Variants in ITGB3BP observed in about 807,000 individuals in gnomAD.
The protein encoded by ITGB3BP is centromere protein R.
A neutral mutation model predicts 29.1 loss-of-function variants in ITGB3BP; 27 were observed. The observed-to-expected ratio is 0.93, with a 90% CI of 0.68 to 1.28. ITGB3BP has a LOEUF of 1.28. ITGB3BP is among the 50% of genes most tolerant of loss of function. The pLI is 0.00. For missense variants in ITGB3BP, 192 were observed against 200.2 expected, an observed-to-expected ratio of 0.96 and a Z score of 0.25; for synonymous variants, 61 against 61.4, an observed-to-expected ratio of 0.99 and a Z score of 0.03.
intron 1 of ITGB3BP, among the ~76,000 whole-genome samples, chr1:63,515,099 C>T (rs1340749136): frequency 1.3e-5 from 2 of 152,108 alleles, no homozygotes; most frequent in Non-Finnish European, 2.9e-5. Flanking sequence ...TCACCTACTT[C>T]AGACTGTAAA....
intron 8 of ITGB3BP, among the ~76,000 whole-genome samples, chr1:63,445,304 CAG>C (rs957139576): frequency 4.3e-5 from 6 of 139,790 alleles, no homozygotes; most frequent in African/African-American, 1.7e-4. Flanking sequence ...AACAAAACAA[CAG>C]AAAGTACTCA....
intron 1 of ITGB3BP, among the ~76,000 whole-genome samples, chr1:63,516,850 G>A (rs1199011982): frequency 6.6e-6 from 1 of 152,000 alleles, no homozygotes; most frequent in African/African-American, 2.4e-5. Flanking sequence ...AAAGGAGGAA[G>A]TATGGGAGGA....
At chr1:63,502,848 A>C (rs900122419) in intron 2 of ITGB3BP, among the ~76,000 whole-genome samples, 18 of 151,952 alleles carry the variant, frequency 1.2e-4, no homozygotes, top group Non-Finnish European at 2.6e-4. Flanking sequence ...TGAACTCATC[A>C]TTTTTTATGG....
chr1:63,453,817 G>A (rs1644894540), intron 7 of ITGB3BP, 101 bp downstream of exon 7: 1 of 713,356 alleles, frequency 1.4e-6, no homozygotes, highest in Non-Finnish European at 2.5e-6. Context: ...GATCTCTGAG[G>A]AAAAAAGAAA....
intron 2 of ITGB3BP, among the ~76,000 whole-genome samples, chr1:63,495,597 G>A (rs1645766348): frequency 6.6e-6 from 1 of 151,782 alleles, no homozygotes; most frequent in Non-Finnish European, 1.5e-5. Flanking sequence ...GGATGGGGCA[G>A]GTAGGGGGCA....
chr1:63,486,459 G>T (rs971973477), intron 3 of ITGB3BP, among the ~76,000 whole-genome samples: 18 of 151,754 alleles, frequency 1.2e-4, no homozygotes, highest in Admixed American at 1.1e-3. Context: ...TACATATTTC[G>T]TGTGTTATAT....
At chr1:63,507,318 AG>A (rs1646102363) in intron 2 of ITGB3BP, among the ~76,000 whole-genome samples, 1 of 152,224 alleles carries the variant, frequency 6.6e-6, no homozygotes, top group Admixed American at 6.5e-5. Context: ...TTTCTAATAC[AG>A]GATGTCAGCT....
intron 4 of ITGB3BP, among the ~76,000 whole-genome samples, chr1:63,469,823 G>A (rs11208223): frequency 0.34 from 51,534 of 152,138 alleles, 8,967 homozygotes; most frequent in East Asian, 0.48. Flanking sequence ...AAATCTGGCC[G>A]TAAACTGGCC....
At chr1:63,446,702 G>A (rs142480353) in intron 8 of ITGB3BP, 104 bp downstream of exon 8, 2 of 825,686 alleles carry the variant, frequency 2.4e-6, no homozygotes, top group Non-Finnish European at 4.1e-6. Flanking sequence ...TTTTCTTACA[G>A]GAAGACAATA....
At chr1:63,492,815 G>C (rs1411550735) in intron 2 of ITGB3BP, among the ~76,000 whole-genome samples, 2 of 152,114 alleles carry the variant, frequency 1.3e-5, no homozygotes, top group Non-Finnish European at 1.5e-5. Context: ...AAGAAAGAAA[G>C]AGAGCGATGT....
chr1:63,505,724 C>T (rs1313672691), intron 2 of ITGB3BP, among the ~76,000 whole-genome samples: 1 of 152,030 alleles, frequency 6.6e-6, no homozygotes, highest in Non-Finnish European at 1.5e-5. Context: ...TCTTTGTTCT[C>T]GTTGGTTTCA....
intron 4 of ITGB3BP, among the ~76,000 whole-genome samples, chr1:63,469,799 G>C (rs1645164401): frequency 6.6e-6 from 1 of 152,192 alleles, no homozygotes; most frequent in Non-Finnish European, 1.5e-5. Flanking sequence ...AGACTGTTGG[G>C]AACAAGCCCC....
intron 7 of ITGB3BP, among the ~76,000 whole-genome samples, chr1:63,448,249 C>G (rs1644815166): frequency 1.3e-5 from 2 of 148,800 alleles, no homozygotes; most frequent in South Asian, 4.3e-4. Flanking sequence ...TTAATGGGTG[C>G]AGCACACCAG....
chr1:63,497,074 G>C (rs1252216374), intron 2 of ITGB3BP, among the ~76,000 whole-genome samples: 2 of 152,094 alleles, frequency 1.3e-5, no homozygotes, highest in Admixed American at 1.3e-4. Context: ...GGTAAGCATA[G>C]GTTTTTTAAA....
In ITGB3BP at chr1:63,492,259, CTT is replaced by C. The variant is rs902782791; in HGVS notation, c.49-2043_49-2042del. Among the ~76,000 whole-genome samples the C allele has an allele frequency of 4.6e-4, 69 of 151,332 alleles. 1 individual carries two copies. The highest frequency in any genetic ancestry group is 1.6e-3 in the African/African-American group (65 of 41,254). On this transcript the variant is annotated intron_variant, in intron 2 of 8. Transcript: ENST00000271002. Reference sequence around the variant, plus strand: ...ACTTTAAAAATACTGAGGCTTCTCTCTTTTTTTATTTTTTTGGTCATTTGTGT... The same window carrying C: ...ACTTTAAAAATACTGAGGCTTCTCTCTTTTTATTTTTTTGGTCATTTGTGT...
At chr1:63,522,096 T>C (rs2100840851) in intron 1 of ITGB3BP, among the ~76,000 whole-genome samples, 1 of 152,356 alleles carries the variant, frequency 6.6e-6, no homozygotes, top group East Asian at 1.9e-4. Context: ...GGCAGCTGTG[T>C]TGAACACCCT....
intron 1 of ITGB3BP, 165 bp downstream of exon 1, chr1:63,522,964 G>C: frequency 2.4e-6 from 2 of 818,150 alleles, no homozygotes; most frequent in South Asian, 1.3e-5. Flanking sequence ...CGCTGGAGGA[G>C]ACGTAGAGTT....
At position 63,453,931 on chromosome 1, in the gene ITGB3BP, T is replaced by A. The variant is rs907169004; in HGVS notation, c.471A>T (p.Gly157=). 1 of 1,580,350 alleles carries A rather than the reference T, an allele frequency of 6.3e-7. No individual in the cohort carries two copies. The highest frequency in any genetic ancestry group is 8.7e-7 in the Non-Finnish European group (1 of 1,155,420). Residue 157 remains glycine, a synonymous_variant, in exon 7 of 9, where the codon GGA becomes GGT. Coordinates refer to ENST00000271002, the MANE Select transcript of ITGB3BP (RefSeq NM_014288.5). ...ACAACTACTTACCTTTGTGAGGAAGTCCTGTACTCTTTTCAAACAGTTTTT... is the reference window on the plus strand; with the variant it reads ...ACAACTACTTACCTTTGTGAGGAAGACCTGTACTCTTTTCAAACAGTTTTT... ...NKQKLFEKST[G]LPHKASRHLD... is the part of the protein sequence containing the mutation.
intron 1 of ITGB3BP, among the ~76,000 whole-genome samples, chr1:63,512,557 G>A (rs1444908389): frequency 6.6e-6 from 1 of 152,056 alleles, no homozygotes; most frequent in Non-Finnish European, 1.5e-5. Context: ...GGAAGAATGG[G>A]GGGTAAAGAA....
Sources: gnomAD v4.1 joint callset for allele counts (sites outside exome capture counted in the v4.1 genomes callset) on GRCh38, gnomAD v4.1.1 for gene constraint, MANE v1.5 for transcripts, NCBI Gene and HGNC (gene_info 2026-07-23, HGNC 2026-07-21) for gene names.